LNX1: variants seen among roughly 807,000 people sequenced by gnomAD.
LNX1 encodes the protein E3 ubiquitin-protein ligase LNX.
LNX1 carries 54 observed loss-of-function variants against 68.4 expected under a neutral mutation model. The observed-to-expected ratio is 0.79, with a 90% CI of 0.63 to 0.99. LNX1 has a LOEUF of 0.99. LNX1 is among the 50% of genes least tolerant of loss of function. LNX1 has a pLI of 0.00. For synonymous variants in LNX1, 336 were observed against 350.0 expected, an observed-to-expected ratio of 0.96 and a Z score of 0.45; for missense variants, 906 against 926.4, an observed-to-expected ratio of 0.98 and a Z score of 0.29.
intron 2 of LNX1, among the ~76,000 whole-genome samples, chr4:53,532,373 G>C (rs1728079350): frequency 6.6e-6 from 1 of 152,144 alleles, no homozygotes; most frequent in Non-Finnish European, 1.5e-5. Context: ...TACTCGGGAG[G>C]CTGAGGCAGG....
At position 53,460,143 on chromosome 4, in the gene LNX1, C is replaced by T. The variant is rs1405991331; in HGVS notation, c.*764G>A. The T allele has an allele frequency of 1.0e-5, 2 of 198,884 alleles. No homozygotes were observed. Among genetic ancestry groups the T allele is most frequent in the African/African-American group, 4.6e-5 (2 of 43,456 alleles). 12.3% of individuals were successfully genotyped at this position (198,884 alleles called of 1,614,324 possible). A position where few individuals can be genotyped will look rare whatever the true frequency, so the allele number is the denominator to read the frequency against. ...GCACAAATTTAAATCGCCTCATGAC[C>T]ATGTCTGTGAGCCAGGGTCAAGCTG... On this transcript the variant is annotated 3_prime_UTR_variant, in exon 11 of 11. Coordinates refer to ENST00000263925, the MANE Select transcript of LNX1 (RefSeq NM_001126328.3).
chr4:53,620,867 C>G (rs746038654), upstream of LNX1, among the ~76,000 whole-genome samples: 2 of 152,150 alleles, frequency 1.3e-5, no homozygotes, highest in East Asian at 3.9e-4. Context: ...GTTCGCCACT[C>G]AGGGAAGGAT....
intron 2 of LNX1, among the ~76,000 whole-genome samples, chr4:53,573,034 C>G (rs1390028042): frequency 1.3e-5 from 2 of 152,180 alleles, no homozygotes; most frequent in Non-Finnish European, 2.9e-5. Context: ...CAGTGCCCAA[C>G]AGGAAATCCT....
rs550234381 is a variant in LNX1, at chr4:53,519,530, G to T, written c.381-11303C>A. On this transcript the variant is annotated intron_variant, in intron 2 of 10. Coordinates refer to ENST00000263925, the MANE Select transcript of LNX1 (RefSeq NM_001126328.3). ...CTGGTTGTATTAGGCCCATCTTATA[G>T]ATGGGGAAAATGAGGCTCAAAGAGG... Among the ~76,000 whole-genome samples the T allele has an allele frequency of 1.3e-5, 2 of 150,912 alleles. 1 individual carries two copies. Among genetic ancestry groups the T allele is most frequent in the South Asian group, 4.2e-4 (2 of 4,748 alleles).
intron 2 of LNX1, among the ~76,000 whole-genome samples, chr4:53,608,829 G>A (rs1733336219): frequency 6.6e-6 from 1 of 152,078 alleles, no homozygotes; most frequent in African/African-American, 2.4e-5. Flanking sequence ...GAGAGCTGGA[G>A]GCCATTATCC....
intron 2 of LNX1, among the ~76,000 whole-genome samples, chr4:53,561,931 A>G (rs2109740573): frequency 6.6e-6 from 1 of 152,242 alleles, no homozygotes; most frequent in Non-Finnish European, 1.5e-5. Flanking sequence ...CCAGAATTAA[A>G]AAAAAGGAAA....
chr4:53,569,695 G>A (rs1160061491), intron 2 of LNX1, among the ~76,000 whole-genome samples: 2 of 150,636 alleles, frequency 1.3e-5, no homozygotes, highest in African/African-American at 4.9e-5. Context: ...CTTCTGCACA[G>A]CAAAAGAAAC....
At position 53,469,478 on chromosome 4, in the gene LNX1, A is replaced by T. The variant is rs542363465; in HGVS notation, c.1892+7275T>A. ...ATTCAAAAGCTAGCAGAAGGCAAGA[A>T]ATAACTAAGATCAGAGCAGAACTGA... On this transcript the variant is annotated intron_variant, in intron 9 of 10. Coordinates refer to ENST00000263925, the MANE Select transcript of LNX1 (RefSeq NM_001126328.3). Among the ~76,000 whole-genome samples the T allele has an allele frequency of 2.6e-5, 4 of 152,350 alleles. No individual in the cohort carries two copies. The East Asian group carries it at 7.7e-4, about 29-fold the overall frequency.
chr4:53,644,634 G>A (rs569159344), intron 1 of LNX1, among the ~76,000 whole-genome samples: 181 of 152,302 alleles, frequency 1.2e-3, no homozygotes, highest in Non-Finnish European at 2.2e-3. Context: ...CTCATAGGCT[G>A]TCCTATTCCA....
At chr4:53,594,591 T>A (rs755271429), upstream of LNX1, among the ~76,000 whole-genome samples, 2 of 152,176 alleles carry the variant, frequency 1.3e-5, no homozygotes, top group African/African-American at 4.8e-5. Context: ...CCATGACACT[T>A]TTCAACTCAG....
intron 1 of LNX1, among the ~76,000 whole-genome samples, chr4:53,636,319 A>G (rs1991973): frequency 0.43 from 65,552 of 151,286 alleles, 15,096 homozygotes; most frequent in East Asian, 0.59. Flanking sequence ...CCTTCCACAC[A>G]TCACTGTGGT....
rs1721443439 is a variant in LNX1 at position 53,459,763 on chromosome 4, G to T, written c.*1144C>A. 3.0e-6 allele frequency: 1 copy of T among 336,050 alleles called. No individual in the cohort carries two copies. The allele number at this position is 336,050 out of a possible 1,614,324, so 20.8% of individuals were successfully genotyped here. A position where few individuals can be genotyped will look rare whatever the true frequency, so the allele number is the denominator to read the frequency against. On this transcript the variant is annotated 3_prime_UTR_variant, in exon 11 of 11. Transcript: ENST00000263925. ...CACAGATTATCTGAGAAAAGGTCAA[G>T]GGTTCCACTTGGGCCACAGTTTTTT...
intron 2 of LNX1, among the ~76,000 whole-genome samples, chr4:53,569,601 G>T (rs1730983967): frequency 6.7e-6 from 1 of 150,100 alleles, no homozygotes; most frequent in South Asian, 2.1e-4. Flanking sequence ...ACATAGGCAT[G>T]GGCAAGGACT....
intron 2 of LNX1, among the ~76,000 whole-genome samples, chr4:53,604,542 G>A (rs1338716409): frequency 1.3e-5 from 2 of 152,194 alleles, no homozygotes; most frequent in African/African-American, 2.4e-5. Context: ...TGAGGGCTCC[G>A]AATTCTTATG....
intron 9 of LNX1, among the ~76,000 whole-genome samples, chr4:53,473,635 G>T (rs926046945): frequency 6.6e-6 from 1 of 152,146 alleles, no homozygotes; most frequent in Non-Finnish European, 1.5e-5. Context: ...GGTGACAACA[G>T]ACACCAGGGC....
At chr4:53,511,474 C>G (rs1726335119) in intron 2 of LNX1, among the ~76,000 whole-genome samples, 1 of 152,130 alleles carries the variant, frequency 6.6e-6, no homozygotes, top group South Asian at 2.1e-4. Context: ...TGGCCATGAA[C>G]TTGAAGGATG....
intron 2 of LNX1, among the ~76,000 whole-genome samples, chr4:53,544,056 C>T (rs1728933315): frequency 6.6e-6 from 1 of 152,218 alleles, no homozygotes; most frequent in South Asian, 2.1e-4. Context: ...TCTTCACCTT[C>T]ACTGTCCTAT....
chr4:53,552,918 T>C (rs1729618670), intron 2 of LNX1, among the ~76,000 whole-genome samples: 1 of 152,074 alleles, frequency 6.6e-6, no homozygotes, highest in South Asian at 2.1e-4. Context: ...ATCCCAGTTA[T>C]TCAAGTACAG....
At chr4:53,556,982 G>A (rs1253309240) in intron 2 of LNX1, among the ~76,000 whole-genome samples, 6 of 152,182 alleles carry the variant, frequency 3.9e-5, no homozygotes, top group Non-Finnish European at 5.9e-5. Flanking sequence ...GTCTGGTTAG[G>A]TTCATAAGGA....
Sources: gnomAD v4.1 joint callset for allele counts (sites outside exome capture counted in the v4.1 genomes callset) on GRCh38, gnomAD v4.1.1 for gene constraint, MANE v1.5 for transcripts, NCBI Gene and HGNC (gene_info 2026-07-23, HGNC 2026-07-21) for gene names.